The following SAMD12 variants were observed in gnomAD, a reference collection of about 807,000 sequenced individuals.
SAMD12 encodes sterile alpha motif domain containing 12, also known as sterile alpha motif domain-containing protein 12.
A neutral mutation model predicts 15.0 loss-of-function variants in SAMD12; 9 were observed. The observed-to-expected ratio is 0.60, with a 90% CI of 0.36 to 1.05. The LOEUF (loss-of-function observed/expected upper bound fraction) is 1.05. Ranked by LOEUF, SAMD12 falls within the 50% of genes least tolerant of loss-of-function variation. The probability of loss-of-function intolerance (pLI) is 0.01; values close to 1 mark genes in which losing one functional copy is unlikely to be tolerated. For missense variants in SAMD12, 230 were observed against 234.2 expected (o/e 0.98, Z 0.12); for synonymous variants, 86 against 90.1 (o/e 0.96, Z 0.25).
At chr8:118,309,380 ATGTGTGTGTG>A (rs35576833) in intron 4 of SAMD12, among the ~76,000 whole-genome samples, 3 of 143,896 alleles carry the variant, frequency 2.1e-5, no homozygotes, top group Admixed American at 1.4e-4. Flanking sequence ...TGAGATATAT[ATGTGTGTGTG>A]TGTGTGTGTG....
chr8:118,324,125 TTTC>T lies in SAMD12; in HGVS notation c.433+55432_433+55434del, dbSNP rs371041935. 9.6e-4 allele frequency among the ~76,000 whole-genome samples: 146 copies of T among 152,348 alleles called. 2 individuals carry two copies. Among genetic ancestry groups the T allele is most frequent in the African/African-American group, 3.3e-3 (138 of 41,594 alleles). On this transcript the variant is annotated intron_variant, in intron 4 of 4. Transcript: ENST00000409003. Reference sequence around the variant, plus strand: ...TGTCTATTTTTAATAGTTATGTCTGTTTCTTCTTCTCCTTATTTTAAAATAAAT... The same window carrying T: ...TGTCTATTTTTAATAGTTATGTCTGTTTCTTCTCCTTATTTTAAAATAAAT...
intron 4 of SAMD12, among the ~76,000 whole-genome samples, chr8:118,303,651 A>G (rs1255507640): frequency 6.6e-6 from 1 of 152,026 alleles, no homozygotes; most frequent in African/African-American, 2.4e-5. Context: ...TCTGTTTGGC[A>G]GACGTTGACT....
At chr8:118,272,808 T>C (rs945780995) in intron 4 of SAMD12, among the ~76,000 whole-genome samples, 2 of 152,178 alleles carry the variant, frequency 1.3e-5, no homozygotes, top group African/African-American at 4.8e-5. Context: ...GAATTCATTG[T>C]CCATATCACT....
At chr8:118,276,929 T>A (rs541125657) in intron 4 of SAMD12, among the ~76,000 whole-genome samples, 1 of 152,300 alleles carries the variant, frequency 6.6e-6, no homozygotes, top group Admixed American at 6.5e-5. Context: ...CACCTCGGCC[T>A]CCCAAAGTGC....
At chr8:118,139,613 C>A in the SAMD12 span, among the ~76,000 whole-genome samples, 1 of 152,172 alleles carries the variant, frequency 6.6e-6, no homozygotes, top group East Asian at 1.9e-4. Context: ...CTGACTCAGC[C>A]TCCCAAGTAG....
chr8:118,470,177 C>A (rs879596930), intron 2 of SAMD12, among the ~76,000 whole-genome samples: 1 of 150,706 alleles, frequency 6.6e-6, no homozygotes, highest in Non-Finnish European at 1.5e-5. Flanking sequence ...TTATATGACT[C>A]CACTTATGCT....
intron 4 of SAMD12, among the ~76,000 whole-genome samples, chr8:118,333,537 T>G (rs1458791128): frequency 6.7e-6 from 1 of 150,178 alleles, no homozygotes; most frequent in Non-Finnish European, 1.5e-5. Context: ...TCTTTTAGAA[T>G]AAGTTATGAT....
At chr8:118,253,500 CTT>C (rs1308480770) in intron 4 of SAMD12, among the ~76,000 whole-genome samples, 1 of 152,136 alleles carries the variant, frequency 6.6e-6, no homozygotes, top group Non-Finnish European at 1.5e-5. Context: ...ATTATAAACT[CTT>C]TGTATCTCAG....
At chr8:118,388,631 A>C (rs1362602764) in intron 3 of SAMD12, among the ~76,000 whole-genome samples, 1 of 152,182 alleles carries the variant, frequency 6.6e-6, no homozygotes, top group African/African-American at 2.4e-5. Context: ...AGCCTTACTC[A>C]ACGTAGGCAC....
At chr8:118,172,700 A>C in the SAMD12 span, among the ~76,000 whole-genome samples, 2 of 152,252 alleles carry the variant, frequency 1.3e-5, no homozygotes, top group Non-Finnish European at 2.9e-5. Flanking sequence ...ACCACAGAGT[A>C]ATAAATATAT....
the SAMD12 span, among the ~76,000 whole-genome samples, chr8:118,166,813 C>G: frequency 6.6e-6 from 1 of 152,202 alleles, no homozygotes; most frequent in Non-Finnish European, 1.5e-5. Context: ...GCTTTTCTCT[C>G]CTTGTGCATG....
chr8:118,171,549 T>C, the SAMD12 span, among the ~76,000 whole-genome samples: 1 of 152,094 alleles, frequency 6.6e-6, no homozygotes, highest in African/African-American at 2.4e-5. Flanking sequence ...GAATGAACCC[T>C]GAAAAACATG....
At chr8:118,185,737 C>T (rs1400501788), downstream of SAMD12, among the ~76,000 whole-genome samples, 1 of 152,076 alleles carries the variant, frequency 6.6e-6, no homozygotes, top group African/African-American at 2.4e-5. Flanking sequence ...GCAACTGTTC[C>T]CCCTTCTCCA....
intron 2 of SAMD12, among the ~76,000 whole-genome samples, chr8:118,480,813 C>A (rs1824104072): frequency 6.6e-6 from 1 of 152,252 alleles, no homozygotes; most frequent in Non-Finnish European, 1.5e-5. Flanking sequence ...GCGGCACTGG[C>A]ATCTCCAGTT....
At chr8:118,415,414 G>A (rs896935398) in intron 3 of SAMD12, among the ~76,000 whole-genome samples, 6 of 149,326 alleles carry the variant, frequency 4.0e-5, no homozygotes, top group African/African-American at 1.5e-4. Context: ...GAAAATGCCA[G>A]TGTAAAAAAA....
At chr8:118,397,624 T>G (rs1214517625) in intron 3 of SAMD12, among the ~76,000 whole-genome samples, 1 of 152,132 alleles carries the variant, frequency 6.6e-6, no homozygotes, top group Non-Finnish European at 1.5e-5. Flanking sequence ...ACCATAAACC[T>G]TTCACATCAT....
At chr8:118,139,403 G>T in the SAMD12 span, among the ~76,000 whole-genome samples, 1 of 152,154 alleles carries the variant, frequency 6.6e-6, no homozygotes, top group East Asian at 1.9e-4. Flanking sequence ...CTGTCACCCA[G>T]CCTAGAGGGC....
At chr8:118,215,052 T>C (rs570192419) in intron 4 of SAMD12, among the ~76,000 whole-genome samples, 10 of 152,300 alleles carry the variant, frequency 6.6e-5, no homozygotes, top group South Asian at 2.1e-4. Flanking sequence ...TAGAGGAATA[T>C]AGACATGAAA....
chr8:118,536,511 T>C (rs558239099), intron 2 of SAMD12, among the ~76,000 whole-genome samples: 1 of 151,284 alleles, frequency 6.6e-6, no homozygotes, highest in African/African-American at 2.4e-5. Context: ...CCCAGACTTA[T>C]GTACCTTCTG....
Sources: allele counts gnomAD v4.1 joint callset (sites outside exome capture counted in the v4.1 genomes callset), GRCh38; gene constraint gnomAD v4.1.1; transcripts MANE v1.5; gene names NCBI Gene and HGNC (gene_info 2026-07-23, HGNC 2026-07-21).